The following NDST1 variants were observed in gnomAD, a reference collection of about 807,000 sequenced individuals.
NDST1 encodes bifunctional heparan sulfate N-deacetylase/N-sulfotransferase 1.
A neutral mutation model predicts 92.8 loss-of-function variants in NDST1; 35 were observed. The observed-to-expected ratio is 0.38, with a 90% CI of 0.29 to 0.50. The LOEUF (loss-of-function observed/expected upper bound fraction) is 0.50. Ranked by LOEUF, NDST1 falls within the 20% of genes least tolerant of loss-of-function variation. The probability of loss-of-function intolerance (pLI) is 0.94; values close to 1 mark genes in which losing one functional copy is unlikely to be tolerated. For synonymous variants in NDST1, 493 were observed against 500.3 expected, an observed-to-expected ratio of 0.99 and a Z score of 0.19; for missense variants, 822 against 1,182.7, an observed-to-expected ratio of 0.69 and a Z score of 4.47.
At chr5:150,514,560 CAAAA>C (rs34675841) in intron 1 of NDST1, among the ~76,000 whole-genome samples, 87 of 55,086 alleles carry the variant, frequency 1.6e-3, no homozygotes, top group African/African-American at 4.6e-3. Flanking sequence ...GACTCCGTCT[CAAAA>C]AAAAAAAAAA....
chr5:150,519,365 CT>C (rs1353013495), intron 1 of NDST1, among the ~76,000 whole-genome samples: 4 of 151,786 alleles, frequency 2.6e-5, no homozygotes, highest in Non-Finnish European at 5.9e-5. Context: ...CACCTTCCAT[CT>C]AGACCTGGGC....
intron 5 of NDST1, 190 bp downstream of exon 5, chr5:150,535,211 C>T: frequency 1.2e-6 from 1 of 839,298 alleles, no homozygotes; most frequent in Non-Finnish European, 1.4e-6. Flanking sequence ...AACCCCTTTA[C>T]AGACAAGAAA....
chr5:150,528,161 A>G lies in NDST1; in HGVS notation c.871A>G (p.Lys291Glu), dbSNP rs931213084. The part of the protein sequence containing the change: ...FGNNLNFWLH[K>E]LVFVDAVAFL... The stretch of plus-strand genomic sequence containing the variant: ...CAACAACCTGAACTTCTGGCTGCAC[A>G]AGCTTGTCTTCGTGGATGCCGTGGC... The change falls in exon 3 of 15, where the codon AAG becomes GAG. Residue 291 changes from lysine to glutamate, a missense_variant. Physicochemically the swap from Lys to Glu is moderately conservative, Grantham distance 56. Coordinates refer to ENST00000261797, the MANE Select transcript of NDST1 (RefSeq NM_001543.5). 3 of 1,614,208 alleles carry G rather than the reference A, an allele frequency of 1.9e-6. No homozygotes were observed. The highest frequency in any genetic ancestry group is 2.5e-6 in the Non-Finnish European group (3 of 1,180,032).
chr5:150,553,288 A>G lies in NDST1; in HGVS notation c.2605A>G (p.Thr869Ala). ...CAAGCTGCTGTATAAGATGGGCCAG[A>G]CACTTCCCACTTGGCTACGAGAGGA... Reference protein sequence around the residue: ...LSKLLYKMGQTLPTWLREDLQ... With the variant: ...LSKLLYKMGQALPTWLREDLQ... The change falls in exon 15 of 15, where the codon ACA becomes GCA. Residue 869 changes from threonine (T) to alanine (A), a missense_variant. Coordinates refer to ENST00000261797, the MANE Select transcript of NDST1 (RefSeq NM_001543.5). This position sits in a 1 kb window ranked among gnomAD's most constrained non-coding sequence, Gnocchi z 4.2. 4 of 1,613,816 alleles carry G rather than the reference A, an allele frequency of 2.5e-6. No homozygotes were observed. Among genetic ancestry groups the G allele is most frequent in the Non-Finnish European group, 3.4e-6 (4 of 1,179,804 alleles).
Position 150,520,922 on chromosome 5 carries a change from C to T in NDST1, c.-333C>T, listed in dbSNP as rs1032873059. The T allele has an allele frequency of 3.2e-5, 17 of 531,462 alleles. No homozygotes were observed. Among genetic ancestry groups the T allele is most frequent in the Middle Eastern group, 4.7e-4 (1 of 2,128 alleles). The allele number at this position is 531,462 out of a possible 1,614,324, so 32.9% of individuals were successfully genotyped here. On this transcript the variant is annotated 5_prime_UTR_variant, in exon 2 of 15. Coordinates refer to ENST00000261797, the MANE Select transcript of NDST1 (RefSeq NM_001543.5). Reference sequence around the variant, plus strand: ...CGGCATGCAGCACCCCCGGGCCTGTCCAGTGTCCTCTGGCCTGCTGCCCTG... The same window carrying T: ...CGGCATGCAGCACCCCCGGGCCTGTTCAGTGTCCTCTGGCCTGCTGCCCTG...
chr5:150,510,398 G>A (rs1403813915), intron 1 of NDST1, among the ~76,000 whole-genome samples: 1 of 152,252 alleles, frequency 6.6e-6, no homozygotes, highest in Non-Finnish European at 1.5e-5. Flanking sequence ...TGGGGATAGG[G>A]TGGGCAGAGA....
chr5:150,532,032 G>A (rs1754765123), intron 3 of NDST1, among the ~76,000 whole-genome samples: 2 of 152,184 alleles, frequency 1.3e-5, no homozygotes, highest in African/African-American at 4.8e-5. Context: ...ACATTTGATA[G>A]ATGAAGACAC....
intron 2 of NDST1, among the ~76,000 whole-genome samples, chr5:150,527,323 G>A (rs1007352972): frequency 6.6e-6 from 1 of 152,210 alleles, no homozygotes; most frequent in Admixed American, 6.5e-5. Context: ...TTCTGAGCAC[G>A]TTGCCGGTAT....
chr5:150,524,811 C>T (rs1419256519), intron 2 of NDST1, among the ~76,000 whole-genome samples: 1 of 152,198 alleles, frequency 6.6e-6, no homozygotes, highest in African/African-American at 2.4e-5. Flanking sequence ...ATAAGCATTT[C>T]CTTTGAGCAT....
At chr5:150,503,178 C>T (rs148883487), upstream of NDST1, among the ~76,000 whole-genome samples, 533 of 152,272 alleles carry the variant, frequency 3.5e-3, 2 homozygotes, top group Middle Eastern at 0.031. Context: ...TGCAGTGACT[C>T]GTGCCTGTAA....
intron 1 of NDST1, among the ~76,000 whole-genome samples, chr5:150,500,684 A>G (rs1041438461): frequency 6.6e-6 from 1 of 152,242 alleles, no homozygotes; most frequent in African/African-American, 2.4e-5. Flanking sequence ...CCCCACAGGG[A>G]AAGCCTGGCC....
intron 9 of NDST1, among the ~76,000 whole-genome samples, chr5:150,541,924 A>C (rs989016218): frequency 1.3e-5 from 2 of 152,196 alleles, no homozygotes; most frequent in East Asian, 3.8e-4. Context: ...GGAGTCTCCA[A>C]GTCCAGTCAG....
chr5:150,535,581 C>A, intron 5 of NDST1, 119 bp from the exon 6 acceptor site: 1 of 1,324,976 alleles, frequency 7.5e-7, no homozygotes, highest in Non-Finnish European at 1.1e-6. Flanking sequence ...CATGAAGTCT[C>A]AGACCAGCAG....
intron 1 of NDST1, among the ~76,000 whole-genome samples, chr5:150,518,467 C>T (rs1754085982): frequency 6.6e-6 from 1 of 152,150 alleles, no homozygotes; most frequent in Non-Finnish European, 1.5e-5. Context: ...CCAGAGGGAG[C>T]CACACAGTGC....
chr5:150,537,857 C>A (rs1755064502), intron 6 of NDST1, among the ~76,000 whole-genome samples: 1 of 152,206 alleles, frequency 6.6e-6, no homozygotes, highest in African/African-American at 2.4e-5. Context: ...AAATTTCTCT[C>A]TTCTGTACTC....
At chr5:150,535,160 C>A in intron 5 of NDST1, 139 bp downstream of exon 5, 1 of 1,350,746 alleles carries the variant, frequency 7.4e-7, no homozygotes, top group Non-Finnish European at 1.0e-6. Flanking sequence ...CAAGGGAGAG[C>A]TGCCTTTATA....
At chr5:150,502,671 G>A (rs543376468) in intron 1 of NDST1, among the ~76,000 whole-genome samples, 4 of 152,228 alleles carry the variant, frequency 2.6e-5, no homozygotes, top group Middle Eastern at 3.4e-3. Flanking sequence ...TTCTCTCTCT[G>A]CAAACCTCCC....
chr5:150,500,012 C>T (rs1753161812), intron 1 of NDST1, among the ~76,000 whole-genome samples: 1 of 152,176 alleles, frequency 6.6e-6, no homozygotes. Flanking sequence ...CTTTCTCCTC[C>T]TAGAGTATGT....
intron 1 of NDST1, among the ~76,000 whole-genome samples, chr5:150,510,178 C>T (rs1006229372): frequency 4.6e-5 from 7 of 152,210 alleles, no homozygotes; most frequent in Non-Finnish European, 7.3e-5. Context: ...ATAGCAGTGA[C>T]ACCTCTTTCA....
Sources: allele counts gnomAD v4.1 joint callset (sites outside exome capture counted in the v4.1 genomes callset), GRCh38; gene constraint gnomAD v4.1.1; non-coding constraint Gnocchi (gnomAD v3.1); transcripts MANE v1.5; gene names NCBI Gene and HGNC (gene_info 2026-07-23, HGNC 2026-07-21).